Variants in SUGCT observed in about 807,000 individuals in gnomAD.
SUGCT encodes succinyl-CoA:glutarate-CoA transferase, also known as succinyl-CoA:glutarate CoA-transferase.
A neutral mutation model predicts 55.0 loss-of-function variants in SUGCT; 41 were observed. The observed-to-expected ratio is 0.74, with a 90% CI of 0.58 to 0.97. The LOEUF (loss-of-function observed/expected upper bound fraction) is 0.97. Among genes scored for constraint, SUGCT ranks in the 50% least tolerant of loss-of-function variants. The pLI is 0.00. For synonymous variants in SUGCT, 187 were observed against 200.4 expected, an observed-to-expected ratio of 0.93 and a Z score of 0.56; for missense variants, 568 against 547.8, an observed-to-expected ratio of 1.04 and a Z score of -0.37.
At chr7:40,923,264 A>T in the SUGCT span, among the ~76,000 whole-genome samples, 1 of 152,210 alleles carries the variant, frequency 6.6e-6, no homozygotes, top group Non-Finnish European at 1.5e-5. Flanking sequence ...TTACCATCAG[A>T]GAACATCATA....
At chr7:40,865,963 CA>C in the SUGCT span, among the ~76,000 whole-genome samples, 3 of 152,138 alleles carry the variant, frequency 2.0e-5, no homozygotes, top group Non-Finnish European at 4.4e-5. Context: ...TCTTTCTTTG[CA>C]GATTAACCAC....
intron 12 of SUGCT, among the ~76,000 whole-genome samples, chr7:40,669,612 G>GA (rs1275583156): frequency 6.7e-6 from 1 of 148,336 alleles, no homozygotes; most frequent in African/African-American, 2.5e-5. Flanking sequence ...TTTTAGAACT[G>GA]AAAAATACAA....
chr7:40,656,695 G>A (rs944262779), intron 12 of SUGCT, among the ~76,000 whole-genome samples: 22 of 152,264 alleles, frequency 1.4e-4, no homozygotes, highest in Middle Eastern at 6.8e-3. Context: ...CTAAAATGAG[G>A]AATGTCTGCA....
the SUGCT span, among the ~76,000 whole-genome samples, chr7:40,921,071 C>T: frequency 6.6e-6 from 1 of 152,136 alleles, no homozygotes; most frequent in African/African-American, 2.4e-5. Flanking sequence ...TATCTCCCAT[C>T]ACAGGTTGGA....
chr7:40,382,574 C>A (rs776350835), intron 9 of SUGCT, among the ~76,000 whole-genome samples: 1 of 152,118 alleles, frequency 6.6e-6, no homozygotes, highest in Non-Finnish European at 1.5e-5. Context: ...ACCTTTAACT[C>A]ATAATTATAG....
At chr7:40,918,503 G>A in the SUGCT span, among the ~76,000 whole-genome samples, 1 of 150,402 alleles carries the variant, frequency 6.6e-6, no homozygotes, top group Non-Finnish European at 1.5e-5. Flanking sequence ...AGAAAAATCT[G>A]TTAGTCTATT....
chr7:40,424,540 G>T (rs1046142781), intron 9 of SUGCT, among the ~76,000 whole-genome samples: 1 of 152,160 alleles, frequency 6.6e-6, no homozygotes, highest in Non-Finnish European at 1.5e-5. Context: ...TTTTTAAGCT[G>T]TGTAACTCTG....
intron 9 of SUGCT, among the ~76,000 whole-genome samples, chr7:40,348,002 T>A (rs1192783265): frequency 6.6e-6 from 1 of 152,248 alleles, no homozygotes; most frequent in Non-Finnish European, 1.5e-5. Flanking sequence ...TACATGTGTT[T>A]CAAGGGATGG....
At chr7:40,178,605 C>T (rs941025663) in intron 1 of SUGCT, among the ~76,000 whole-genome samples, 2 of 151,816 alleles carry the variant, frequency 1.3e-5, no homozygotes, top group Non-Finnish European at 2.9e-5. Flanking sequence ...ATTCAATGTC[C>T]TCCTGATAAC....
At chr7:40,484,713 G>A (rs1160920006) in intron 11 of SUGCT, among the ~76,000 whole-genome samples, 1 of 152,104 alleles carries the variant, frequency 6.6e-6, no homozygotes, top group East Asian at 1.9e-4. Context: ...TTCTTGTGGT[G>A]CCTGGTACAT....
At chr7:40,346,591 G>A (rs1396421336) in intron 9 of SUGCT, among the ~76,000 whole-genome samples, 3 of 152,102 alleles carry the variant, frequency 2.0e-5, no homozygotes, top group Admixed American at 1.3e-4. Flanking sequence ...CTACCTTATT[G>A]GCTGAACTTA....
At chr7:40,173,913 C>CTGTGTGTGTG (rs34789334) in intron 1 of SUGCT, among the ~76,000 whole-genome samples, 141 of 144,018 alleles carry the variant, frequency 9.8e-4, no homozygotes, top group African/African-American at 3.4e-3. Flanking sequence ...AATGTATATC[C>CTGTGTGTGTG]TGTGTGTGTG....
chr7:40,211,651 C>T (rs1787340019), intron 6 of SUGCT, among the ~76,000 whole-genome samples: 1 of 152,190 alleles, frequency 6.6e-6, no homozygotes, highest in Non-Finnish European at 1.5e-5. Flanking sequence ...GAACACTGGA[C>T]GTGTGGCCCA....
chr7:40,337,485 C>A (rs1157062147), intron 9 of SUGCT, among the ~76,000 whole-genome samples: 1 of 152,116 alleles, frequency 6.6e-6, no homozygotes, highest in Non-Finnish European at 1.5e-5. Context: ...TTGAATTGAT[C>A]CCTTTACAAT....
the SUGCT span, among the ~76,000 whole-genome samples, chr7:41,003,147 C>G: frequency 1.3e-5 from 2 of 152,132 alleles, no homozygotes. Context: ...CTTTTCTGTA[C>G]TTCTCCCACC....
chr7:40,958,635 A>G, the SUGCT span, among the ~76,000 whole-genome samples: 1 of 151,802 alleles, frequency 6.6e-6, no homozygotes, highest in Non-Finnish European at 1.5e-5. Context: ...GGAGTTTGTT[A>G]TTACCCACCT....
rs1800731728 is a variant in SUGCT at position 40,650,628 on chromosome 7, TTTAGTG to T, written c.1090-98803_1090-98798del. Among the ~76,000 whole-genome samples, 8 of 152,278 alleles carry T rather than the reference TTTAGTG, an allele frequency of 5.3e-5. 1 individual carries two copies. The South Asian group carries it at 1.7e-3, about 32-fold the overall frequency. ...GATACTCCTCCATTTTCATTTGGTA[TTTAGTG>T]TTGCAAAGGATATTGCTAAGAATAA... is the stretch of plus-strand genomic sequence containing the variant. On this transcript the variant is annotated intron_variant, in intron 12 of 13. Coordinates refer to ENST00000335693, the MANE Select transcript of SUGCT (RefSeq NM_001193313.2).
intron 9 of SUGCT, among the ~76,000 whole-genome samples, chr7:40,360,770 A>G (rs1388582089): frequency 6.6e-6 from 1 of 152,192 alleles, no homozygotes; most frequent in African/African-American, 2.4e-5. Flanking sequence ...TATGAAATTC[A>G]AACACTATCC....
intron 9 of SUGCT, among the ~76,000 whole-genome samples, chr7:40,419,779 A>G (rs543936449): frequency 6.6e-6 from 1 of 152,192 alleles, no homozygotes; most frequent in Non-Finnish European, 1.5e-5. Flanking sequence ...ACGTAGCCTA[A>G]CCTGCTTCTT....
Sources: allele counts gnomAD v4.1 joint callset (sites outside exome capture counted in the v4.1 genomes callset), GRCh38; gene constraint gnomAD v4.1.1; transcripts MANE v1.5; gene names NCBI Gene and HGNC (gene_info 2026-07-23, HGNC 2026-07-21).